TIAM2: variants seen among roughly 807,000 people sequenced by gnomAD.
TIAM2 encodes the protein rho guanine nucleotide exchange factor TIAM2.
TIAM2 carries 80 observed loss-of-function variants against 152.9 expected under a neutral mutation model. That is an observed-to-expected ratio of 0.52 (90% confidence interval 0.44 to 0.63). The LOEUF (loss-of-function observed/expected upper bound fraction) is 0.63. Among genes scored for constraint, TIAM2 ranks in the 30% least tolerant of loss-of-function variants. The pLI, the probability that TIAM2 is intolerant of heterozygous loss-of-function variation, is 0.00. For missense variants in TIAM2, 1,965 were observed against 2,120.1 expected (o/e 0.93, Z 1.44); for synonymous variants, 804 against 838.0 (o/e 0.96, Z 0.70).
rs1781943390 is a variant in TIAM2 at position 155,218,794 on chromosome 6, A to T, written c.3168+7487A>T. Among the ~76,000 whole-genome samples, 2 of 152,156 alleles carry T rather than the reference A, an allele frequency of 1.3e-5. No homozygotes were observed. Among genetic ancestry groups the T allele is most frequent in the South Asian group, 2.1e-4 (1 of 4,830 alleles). On this transcript the variant is annotated intron_variant, in intron 15 of 26. Coordinates refer to ENST00000682666, the MANE Select transcript of TIAM2 (RefSeq NM_012454.4). The surrounding 1 kb of genome is among the most constrained non-coding windows in gnomAD (Gnocchi z 4.5). ...TTGAAAGTAAGACGTGCATGCTTTG[A>T]CCATCTCAGCTGCCCACCCGTGTTC...
rs528675884 is a variant in TIAM2 at position 155,252,463 on chromosome 6, T to C, written c.4119+460T>C. On this transcript the variant is annotated intron_variant, in intron 23 of 26. Coordinates refer to ENST00000682666, the MANE Select transcript of TIAM2 (RefSeq NM_012454.4). ...CAGCCTGTGCGACAGAGTGAGACCC[T>C]GTCAATAAATACATAAATAAGTAAA... Among the ~76,000 whole-genome samples the C allele has an allele frequency of 4.0e-4, 61 of 152,290 alleles. 1 individual carries two copies. The South Asian group carries it at 9.3e-3, about 23-fold the overall frequency.
At chr6:155,136,725 C>T (rs888919025) in intron 4 of TIAM2, among the ~76,000 whole-genome samples, 3 of 152,114 alleles carry the variant, frequency 2.0e-5, no homozygotes, top group African/African-American at 7.2e-5. Flanking sequence ...CCTGTCTTCC[C>T]CACCCTACCC....
intron 5 of TIAM2, among the ~76,000 whole-genome samples, chr6:155,143,578 C>T (rs954599295): frequency 5.9e-5 from 9 of 152,084 alleles, no homozygotes; most frequent in East Asian, 1.9e-4. Context: ...GAGAACAAAC[C>T]GGGTACTTTC....
intron 1 of TIAM2, among the ~76,000 whole-genome samples, chr6:155,061,322 AATACACACATGTATCTCTAG>A (rs1285013106): frequency 6.6e-6 from 1 of 152,098 alleles, no homozygotes. Flanking sequence ...GCTATCTCTA[AATACACACATGTATCTCTAG>A]ATACACACAT....
At chr6:155,154,640 T>C (rs1482143155) in intron 7 of TIAM2, among the ~76,000 whole-genome samples, 1 of 152,212 alleles carries the variant, frequency 6.6e-6, no homozygotes, top group East Asian at 1.9e-4. Context: ...TCACCACCCT[T>C]AGGCAGTCTT....
At chr6:155,158,730 G>GTT (rs563613101) in intron 7 of TIAM2, among the ~76,000 whole-genome samples, 1 of 148,328 alleles carries the variant, frequency 6.7e-6, no homozygotes, top group Non-Finnish European at 1.5e-5. Flanking sequence ...TGAGTTTTGT[G>GTT]TTTTTTTATA....
At position 155,244,767 on chromosome 6, in the gene TIAM2, C is replaced by T. The variant is rs765208102; in HGVS notation, c.3527C>T (p.Thr1176Ile). The change falls in exon 18 of 27, where the codon ACC becomes ATC. Residue 1176 changes from threonine (T) to isoleucine (I), a missense_variant. Thr to Ile is a moderately conservative substitution (Grantham distance 89). This residue lies in a region of TIAM2 where 935 missense variants were observed against 980.0 expected (regional missense o/e 0.95). Transcript: ENST00000682666. ...TCATCTGACTTTAACACCCTAGAAACCCCCTCACAGTTTAGAGTAAGTATC... is the reference window on the plus strand; with the variant it reads ...TCATCTGACTTTAACACCCTAGAAATCCCCTCACAGTTTAGAGTAAGTATC... ...SASSDFNTLE[T>I]PSQFRKLLFS... 6.2e-7 allele frequency: 1 copy of T among 1,612,686 alleles called. No individual in the cohort carries two copies. Among genetic ancestry groups the T allele is most frequent in the African/African-American group, 1.3e-5 (1 of 74,884 alleles).
chr6:155,001,065 A>G (rs1038133777), intron 1 of TIAM2, among the ~76,000 whole-genome samples: 9 of 152,210 alleles, frequency 5.9e-5, no homozygotes, highest in Non-Finnish European at 1.2e-4. Flanking sequence ...GAAGAAAGAA[A>G]GTCAGTGGTA....
chr6:155,057,666 C>T (rs894780452), intron 1 of TIAM2, among the ~76,000 whole-genome samples: 2 of 151,216 alleles, frequency 1.3e-5, no homozygotes, highest in African/African-American at 4.9e-5. Context: ...CTGCCCCAGC[C>T]TCCTGAGTAG....
intron 1 of TIAM2, among the ~76,000 whole-genome samples, chr6:155,085,787 G>C (rs1489802449): frequency 1.3e-5 from 2 of 152,224 alleles, no homozygotes; most frequent in Non-Finnish European, 1.5e-5. Context: ...TTTTCATGCT[G>C]ATAAAAGCAT....
At chr6:155,005,137 G>A (rs1214515736) in intron 1 of TIAM2, 7 of 235,394 alleles carry the variant, frequency 3.0e-5, no homozygotes, top group African/African-American at 1.4e-4. Flanking sequence ...AATTAGCCTG[G>A]CAGCCTGAGG....
intron 15 of TIAM2, among the ~76,000 whole-genome samples, chr6:155,222,388 G>T (rs1159370309): frequency 1.3e-5 from 2 of 151,710 alleles, no homozygotes; most frequent in African/African-American, 4.8e-5. Flanking sequence ...ATCACTTGAG[G>T]CCAGGAGCTC....
chr6:155,247,958 C>T, intron 19 of TIAM2, 42 bp from the exon 20 acceptor site: 1 of 1,572,868 alleles, frequency 6.4e-7, no homozygotes, highest in Non-Finnish European at 8.7e-7. Flanking sequence ...TTTAATTCAC[C>T]CCACTGTGCT....
intron 19 of TIAM2, among the ~76,000 whole-genome samples, chr6:155,247,322 T>C (rs755652004): frequency 8.3e-4 from 127 of 152,234 alleles, no homozygotes; most frequent in Non-Finnish European, 1.6e-3. Context: ...CATTGCTTAA[T>C]GGCTTTTTTG....
chr6:155,091,652 T>G (rs886718928), intron 2 of TIAM2, among the ~76,000 whole-genome samples: 16 of 152,330 alleles, frequency 1.1e-4, no homozygotes, highest in African/African-American at 3.6e-4. Context: ...AAGCTAGAAA[T>G]TTTGATCCTA....
intron 20 of TIAM2, among the ~76,000 whole-genome samples, chr6:155,249,554 G>A (rs960204852): frequency 2.0e-4 from 30 of 152,202 alleles, no homozygotes; most frequent in Admixed American, 1.3e-3. Flanking sequence ...ATCACCTGTC[G>A]TGATCCTTGC....
At chr6:155,254,289 C>T in intron 25 of TIAM2, 130 bp from the exon 26 acceptor site, 1 of 1,238,140 alleles carries the variant, frequency 8.1e-7, no homozygotes, top group Non-Finnish European at 1.1e-6. Context: ...GGCCACATGG[C>T]ACTGCTGCTG....
At chr6:155,072,392 T>A (rs1777857941) in intron 1 of TIAM2, among the ~76,000 whole-genome samples, 1 of 152,050 alleles carries the variant, frequency 6.6e-6, no homozygotes, top group Non-Finnish European at 1.5e-5. Context: ...GAGGCATACA[T>A]TAAAGAGTTA....
chr6:155,140,701 G>A (rs998254360), intron 5 of TIAM2, among the ~76,000 whole-genome samples: 8 of 152,036 alleles, frequency 5.3e-5, no homozygotes, highest in Non-Finnish European at 1.2e-4. Flanking sequence ...TAAAGATCTA[G>A]GGATATTTAG....
Sources: allele counts gnomAD v4.1 joint callset (sites outside exome capture counted in the v4.1 genomes callset), GRCh38; gene constraint gnomAD v4.1.1; regional missense constraint gnomAD v4.1.1; non-coding constraint Gnocchi (gnomAD v3.1); transcripts MANE v1.5; gene names NCBI Gene and HGNC (gene_info 2026-07-23, HGNC 2026-07-21).